Variants in TMEM132B observed in about 807,000 individuals in gnomAD.
TMEM132B encodes the protein transmembrane protein 132B.
A neutral mutation model predicts 90.8 loss-of-function variants in TMEM132B; 18 were observed. That is an observed-to-expected ratio of 0.20 (90% CI 0.14 to 0.29). The LOEUF is 0.29. Among genes scored for constraint, TMEM132B ranks in the 10% least tolerant of loss-of-function variants. TMEM132B has a pLI of 1.00. For synonymous variants in TMEM132B, 504 were observed against 523.3 expected, an observed-to-expected ratio of 0.96 and a Z score of 0.50; for missense variants, 1,096 against 1,326.8, an observed-to-expected ratio of 0.83 and a Z score of 2.70.
At chr12:125,520,424 T>C (rs1016269960) in intron 4 of TMEM132B, among the ~76,000 whole-genome samples, 19 of 152,212 alleles carry the variant, frequency 1.2e-4, no homozygotes, top group African/African-American at 4.3e-4. Flanking sequence ...GTGCTTTTGA[T>C]CATTCATCAT....
chr12:125,363,042 AC>A (rs1322321162), intron 2 of TMEM132B, among the ~76,000 whole-genome samples: 3 of 152,230 alleles, frequency 2.0e-5, no homozygotes, highest in Non-Finnish European at 4.4e-5. Flanking sequence ...GCTGCAGGGG[AC>A]ATCCTTGCCT....
chr12:125,544,819 T>G (rs915474740), intron 4 of TMEM132B, among the ~76,000 whole-genome samples: 1 of 152,192 alleles, frequency 6.6e-6, no homozygotes, highest in East Asian at 1.9e-4. Flanking sequence ...AAAGTGACCC[T>G]GAATGAATGG....
intron 1 of TMEM132B, among the ~76,000 whole-genome samples, chr12:125,298,845 T>C (rs891602132): frequency 6.6e-6 from 1 of 151,000 alleles, no homozygotes; most frequent in Non-Finnish European, 1.5e-5. Flanking sequence ...GCCATTCTCC[T>C]GCCTCAGCCT....
intron 4 of TMEM132B, among the ~76,000 whole-genome samples, chr12:125,565,226 A>G (rs1164683477): frequency 1.3e-5 from 2 of 152,188 alleles, no homozygotes; most frequent in Non-Finnish European, 2.9e-5. Context: ...CTGAAACAGG[A>G]GAGTTCCCTG....
At chr12:125,258,223 A>G (rs1412635511) in intron 1 of TMEM132B, among the ~76,000 whole-genome samples, 1 of 152,166 alleles carries the variant, frequency 6.6e-6, no homozygotes, top group African/African-American at 2.4e-5. Context: ...TCCAGGTACT[A>G]TTGCTGCATA....
At chr12:125,515,842 A>T (rs977534395) in intron 3 of TMEM132B, among the ~76,000 whole-genome samples, 13 of 151,976 alleles carry the variant, frequency 8.6e-5, no homozygotes, top group Non-Finnish European at 1.9e-4. Flanking sequence ...TGTCACACAC[A>T]CACCTCCACA....
intron 1 of TMEM132B, among the ~76,000 whole-genome samples, chr12:125,292,481 T>C (rs988110175): frequency 1.3e-5 from 2 of 152,210 alleles, no homozygotes; most frequent in African/African-American, 4.8e-5. Context: ...GTGACTATAA[T>C]GAGACAATGT....
At chr12:125,269,752 G>A (rs1320521175) in intron 1 of TMEM132B, among the ~76,000 whole-genome samples, 1 of 152,138 alleles carries the variant, frequency 6.6e-6, no homozygotes, top group African/African-American at 2.4e-5. Flanking sequence ...AAGCAAGACG[G>A]AAGTGTATTT....
At chr12:125,291,061 G>A (rs564704865) in intron 1 of TMEM132B, among the ~76,000 whole-genome samples, 6 of 152,264 alleles carry the variant, frequency 3.9e-5, no homozygotes, top group South Asian at 2.1e-4. Flanking sequence ...TCCCCAATGC[G>A]GTGGCACTGG....
chr12:125,631,233 T>C (rs1330028138), intron 5 of TMEM132B, among the ~76,000 whole-genome samples: 3 of 152,180 alleles, frequency 2.0e-5, no homozygotes, highest in African/African-American at 7.2e-5. Context: ...TTTCTTAATT[T>C]GTTCATTAAT....
chr12:125,221,035 C>T (rs1195742202), intron 1 of TMEM132B, among the ~76,000 whole-genome samples: 1 of 152,230 alleles, frequency 6.6e-6, no homozygotes, highest in Non-Finnish European at 1.5e-5. Flanking sequence ...TGACTTTAGC[C>T]ACATGTCATC....
chr12:125,657,899 C>T lies in TMEM132B; in HGVS notation c.*3189C>T, dbSNP rs1461779419. Reference sequence around the variant, plus strand: ...CCATTGAGGATTGCAACCGCTGCCTCCAGGGTCCAGATGTGCTGCAGTAGA... The same window carrying T: ...CCATTGAGGATTGCAACCGCTGCCTTCAGGGTCCAGATGTGCTGCAGTAGA... On this transcript the variant is annotated 3_prime_UTR_variant, in exon 9 of 9. Coordinates refer to ENST00000682704, the MANE Select transcript of TMEM132B (RefSeq NM_001366854.1). 6.6e-6 allele frequency: 1 copy of T among 152,274 alleles called. No individual in the cohort carries two copies. The highest frequency in any genetic ancestry group is 1.5e-5 in the Non-Finnish European group (1 of 68,090). The allele number at this position is 152,274 out of a possible 1,614,324, so 9.4% of individuals were successfully genotyped here. A position where few individuals can be genotyped will look rare whatever the true frequency, so the allele number is the denominator to read the frequency against.
At chr12:125,370,826 T>G (rs1878272380) in intron 2 of TMEM132B, among the ~76,000 whole-genome samples, 1 of 152,228 alleles carries the variant, frequency 6.6e-6, no homozygotes, top group Non-Finnish European at 1.5e-5. Flanking sequence ...TCTACGTTGT[T>G]CCAATGTTTG....
intron 1 of TMEM132B, among the ~76,000 whole-genome samples, chr12:125,238,019 C>T (rs1286503338): frequency 6.6e-6 from 1 of 152,130 alleles, no homozygotes; most frequent in Non-Finnish European, 1.5e-5. Flanking sequence ...TCACAAAAGC[C>T]CAAGATCCAG....
intron 3 of TMEM132B, among the ~76,000 whole-genome samples, chr12:125,457,491 C>T (rs570723583): frequency 3.5e-4 from 53 of 152,248 alleles, no homozygotes; most frequent in Admixed American, 2.4e-3. Flanking sequence ...AGAATGTGAG[C>T]GTTGAGTTTG....
chr12:125,242,997 C>T (rs761791642), intron 1 of TMEM132B, among the ~76,000 whole-genome samples: 3 of 131,598 alleles, frequency 2.3e-5, no homozygotes, highest in African/African-American at 5.8e-5. Flanking sequence ...TTTTCTCTTT[C>T]TCTCTCTTTC....
At chr12:125,429,874 C>G (rs543075755) in intron 3 of TMEM132B, among the ~76,000 whole-genome samples, 2 of 152,192 alleles carry the variant, frequency 1.3e-5, no homozygotes, top group East Asian at 1.9e-4. Context: ...CTGCTTCCCC[C>G]CTTTCCACAC....
chr12:125,513,210 C>CTTCA (rs5801605), intron 3 of TMEM132B, among the ~76,000 whole-genome samples: 5,160 of 151,668 alleles, frequency 0.034, 180 homozygotes, highest in African/African-American at 0.09. Flanking sequence ...GTTTAACACT[C>CTTCA]TTCATTCATT....
intron 3 of TMEM132B, among the ~76,000 whole-genome samples, chr12:125,512,835 A>G (rs1009982606): frequency 6.6e-6 from 1 of 152,212 alleles, no homozygotes. Flanking sequence ...AGAGCCAGCC[A>G]TTAGATCCTG....
Sources: gnomAD v4.1 joint callset for allele counts (sites outside exome capture counted in the v4.1 genomes callset) on GRCh38, gnomAD v4.1.1 for gene constraint, MANE v1.5 for transcripts, NCBI Gene and HGNC (gene_info 2026-07-23, HGNC 2026-07-21) for gene names.